The following TADA2B variants were observed in gnomAD, a reference collection of about 807,000 sequenced individuals.
TADA2B encodes the protein transcriptional adapter 2-beta.
A neutral mutation model predicts 34.5 loss-of-function variants in TADA2B; 13 were observed. The ratio of observed to expected loss-of-function variants is 0.38; its 90% confidence interval spans 0.25 to 0.60. TADA2B has a LOEUF of 0.60. Among genes scored for constraint, TADA2B ranks in the 20% least tolerant of loss-of-function variants. TADA2B has a pLI of 0.65. For missense variants in TADA2B, 442 were observed against 575.0 expected (o/e 0.77, Z 2.37); for synonymous variants, 240 against 243.4 (o/e 0.99, Z 0.13).
chr4:7,045,399 C>T (rs1723602195), intron 1 of TADA2B, among the ~76,000 whole-genome samples: 1 of 152,218 alleles, frequency 6.6e-6, no homozygotes, highest in African/African-American at 2.4e-5. Context: ...CCCCCTCCAC[C>T]CCATTCCCCT....
chr4:7,057,526 C>G lies in TADA2B; in HGVS notation c.*2472C>G, dbSNP rs776713209. ...AATCTAGTCCGGGCGCAGTGGCTCA[C>G]GCCTGTAATCCCAGCACTTTGGGAG... On this transcript the variant is annotated 3_prime_UTR_variant, in exon 2 of 2. Coordinates refer to ENST00000310074, the MANE Select transcript of TADA2B (RefSeq NM_152293.3). The G allele has an allele frequency of 1.3e-5, 2 of 152,254 alleles. No homozygotes were observed. The highest frequency in any genetic ancestry group is 2.4e-5 in the African/African-American group (1 of 41,462). 9.4% of individuals were successfully genotyped at this position (152,254 alleles called of 1,614,324 possible). A position where few individuals can be genotyped will look rare whatever the true frequency, so the allele number is the denominator to read the frequency against.
At position 7,043,594 on chromosome 4, in the gene TADA2B, G is replaced by A. The variant is rs1251400833; in HGVS notation, c.15G>A (p.Gly5=). 5.3e-6 allele frequency: 7 copies of A among 1,312,236 alleles called. No homozygotes were observed. In the South Asian group the frequency reaches 1.1e-4, roughly 21 times the overall value. 81.3% of individuals were successfully genotyped at this position (1,312,236 alleles called of 1,614,324 possible). The change falls in exon 1 of 2, where the codon GGG becomes GGA. Residue 5 remains glycine, a synonymous_variant. Transcript: ENST00000310074. The stretch of plus-strand genomic sequence containing the variant: ...AGCGGGGGAAGATGGCGGAGCTGGG[G>A]AAGAAGTACTGCGTGTACTGCCTGG... MAEL[G]KKYCVYCLAE... is the part of the protein sequence containing the mutation.
chr4:7,050,306 A>G (rs903187472), intron 1 of TADA2B, among the ~76,000 whole-genome samples: 3 of 152,226 alleles, frequency 2.0e-5, no homozygotes, highest in African/African-American at 7.2e-5. Flanking sequence ...CTGGCCCTGC[A>G]GGGGCCACCA....
In TADA2B at chr4:7,055,091, C is replaced by T. The variant is rs760317025; in HGVS notation, c.*37C>T. The T allele has an allele frequency of 1.3e-6, 2 of 1,550,900 alleles. No individual in the cohort carries two copies. Among genetic ancestry groups the T allele is most frequent in the South Asian group, 1.2e-5 (1 of 81,474 alleles). Reference sequence around the variant, plus strand: ...TTTGAAAGCCAGGGTGATGCTCAGACAGTGTGCCAGCCAAAATGACTTGGG... The same window carrying T: ...TTTGAAAGCCAGGGTGATGCTCAGATAGTGTGCCAGCCAAAATGACTTGGG... On this transcript the variant is annotated 3_prime_UTR_variant, in exon 2 of 2. Coordinates refer to ENST00000310074, the MANE Select transcript of TADA2B (RefSeq NM_152293.3).
At chr4:7,046,589 G>T (rs1316768055) in intron 1 of TADA2B, among the ~76,000 whole-genome samples, 1 of 152,226 alleles carries the variant, frequency 6.6e-6, no homozygotes, top group Non-Finnish European at 1.5e-5. Flanking sequence ...AGCAATGTGG[G>T]TCAGAGGCTG....
chr4:7,047,643 C>T lies in TADA2B; in HGVS notation c.270+3794C>T, dbSNP rs1723667038. Among the ~76,000 whole-genome samples, 3 of 152,252 alleles carry T rather than the reference C, an allele frequency of 2.0e-5. No individual in the cohort carries two copies. In the South Asian group the frequency reaches 6.2e-4, roughly 31 times the overall value. On this transcript the variant is annotated intron_variant, in intron 1 of 1. Transcript: ENST00000310074. ...GGAGGAAGACAGCTGCCTCACCTGGCAGGTGCCGTGTGGGCAAGTGGGCCT... is the reference window on the plus strand; with the variant it reads ...GGAGGAAGACAGCTGCCTCACCTGGTAGGTGCCGTGTGGGCAAGTGGGCCT...
Position 7,056,386 on chromosome 4 carries a change from G to C in TADA2B, c.*1332G>C, listed in dbSNP as rs1723893000. On this transcript the variant is annotated 3_prime_UTR_variant, in exon 2 of 2. Transcript: ENST00000310074. The stretch of plus-strand genomic sequence containing the variant: ...AGACCCTGCTTTAAAGAGAGTCTTT[G>C]GCGTGCTCAGACTCCAGCGCTCCGT... 6.6e-6 allele frequency: 1 copy of C among 152,638 alleles called. No homozygotes were observed. 9.5% of individuals were successfully genotyped at this position (152,638 alleles called of 1,614,324 possible).
chr4:7,043,888 C>T, intron 1 of TADA2B, 39 bp downstream of exon 1: 1 of 1,446,744 alleles, frequency 6.9e-7, no homozygotes, highest in Non-Finnish European at 9.1e-7. Flanking sequence ...GGCTAGGGCA[C>T]TGGAAGGCCC....
chr4:7,051,284 G>A (rs1030718826), intron 1 of TADA2B, among the ~76,000 whole-genome samples: 3 of 152,142 alleles, frequency 2.0e-5, no homozygotes, highest in Admixed American at 6.5e-5. Context: ...CCGTGACCGA[G>A]CACACGCTGT....
Position 7,054,246 on chromosome 4 carries a change from C to G in TADA2B, c.455C>G (p.Pro152Arg). The change falls in exon 2 of 2, where the codon CCC becomes CGC. Residue 152 changes from proline (P) to arginine (R), a missense_variant. Physicochemically the swap from Pro to Arg is moderately radical, Grantham distance 103. Coordinates refer to ENST00000310074, the MANE Select transcript of TADA2B (RefSeq NM_152293.3). ...PLSPSLTTPL[P>R]PLDISVAEQQ... ...TCACCCAGCCTCACCACCCCGCTGC[C>G]CCCGCTGGACATCTCTGTGGCTGAG... 6.2e-7 allele frequency: 1 copy of G among 1,610,456 alleles called. No homozygotes were observed. Among genetic ancestry groups the G allele is most frequent in the Admixed American group, 1.7e-5 (1 of 59,518 alleles).
At chr4:7,049,750 C>G (rs1461955476) in intron 1 of TADA2B, among the ~76,000 whole-genome samples, 2 of 152,210 alleles carry the variant, frequency 1.3e-5, no homozygotes, top group African/African-American at 4.8e-5. Context: ...CAAGTTGTCT[C>G]TTTAAAGGTG....
intron 1 of TADA2B, 129 bp from the exon 2 acceptor site, chr4:7,053,933 G>A (rs1426223681): frequency 8.5e-6 from 9 of 1,055,698 alleles, no homozygotes; most frequent in African/African-American, 3.2e-5. Flanking sequence ...AATGCCTTTG[G>A]GGAGGGTGGG....
chr4:7,043,449 CGGCAGCCGCGGCGGCGGGCGGCGGT>C lies in TADA2B; in HGVS notation c.-130_-106del. ...GGCGGCTGGGCTGGGGCCGCGGTGG[CGGCAGCCGCGGCGGCGGGCGGCGGT>C]TGCTCGTGCGCGGCGGCGGCGGCGG... On this transcript the variant is annotated 5_prime_UTR_variant, in exon 1 of 2. Coordinates refer to ENST00000310074, the MANE Select transcript of TADA2B (RefSeq NM_152293.3). The C allele has an allele frequency of 3.0e-6, 1 of 329,062 alleles. No individual in the cohort carries two copies. Among genetic ancestry groups the C allele is most frequent in the Non-Finnish European group, 4.3e-6 (1 of 234,232 alleles). 20.4% of individuals were successfully genotyped at this position (329,062 alleles called of 1,614,324 possible).
chr4:7,051,588 G>GTAAGT (rs1370550184), intron 1 of TADA2B, among the ~76,000 whole-genome samples: 1 of 144,702 alleles, frequency 6.9e-6, no homozygotes, highest in African/African-American at 2.6e-5. Context: ...AAGTAAGTAA[G>GTAAGT]TTTTTTTTTT....
chr4:7,046,261 G>A (rs948185300), intron 1 of TADA2B: 2 of 152,202 alleles, frequency 1.3e-5, no homozygotes, highest in Non-Finnish European at 2.9e-5. Flanking sequence ...TTCTTCCTCT[G>A]AGGCTGTTCT....
chr4:7,044,918 G>A (rs1304668420), intron 1 of TADA2B: 1 of 152,250 alleles, frequency 6.6e-6, no homozygotes, highest in African/African-American at 2.4e-5. Context: ...TCATTCTGAA[G>A]CCCTGGAATG....
At chr4:7,044,277 T>G (rs1349807174) in intron 1 of TADA2B, among the ~76,000 whole-genome samples, 1 of 151,922 alleles carries the variant, frequency 6.6e-6, no homozygotes, top group Non-Finnish European at 1.5e-5. Context: ...GCGGCTTGTC[T>G]CGGGGTCTCT....
chr4:7,046,999 A>G (rs1049240924), intron 1 of TADA2B, among the ~76,000 whole-genome samples: 2 of 152,142 alleles, frequency 1.3e-5, no homozygotes, highest in African/African-American at 4.8e-5. Flanking sequence ...AGCGAGGGGC[A>G]GAGAGAACAG....
intron 1 of TADA2B, among the ~76,000 whole-genome samples, chr4:7,052,017 C>T (rs1577216833): frequency 1.3e-5 from 2 of 152,252 alleles, no homozygotes; most frequent in Non-Finnish European, 2.9e-5. Context: ...CACCTTGTGA[C>T]CTTGGGTAAG....
Sources: allele counts gnomAD v4.1 joint callset (sites outside exome capture counted in the v4.1 genomes callset), GRCh38; gene constraint gnomAD v4.1.1; transcripts MANE v1.5; gene names NCBI Gene and HGNC (gene_info 2026-07-23, HGNC 2026-07-21).